The following RPS6KA6 variants were observed in gnomAD, a reference collection of about 807,000 sequenced individuals.
RPS6KA6 encodes ribosomal protein S6 kinase A6.
A neutral mutation model predicts 65.4 loss-of-function variants in RPS6KA6; 27 were observed. That is an observed-to-expected ratio of 0.41 (90% CI 0.30 to 0.57). The LOEUF (loss-of-function observed/expected upper bound fraction) is 0.57, where lower values mean the gene tolerates loss of function less well. RPS6KA6 is among the 20% of genes least tolerant of loss of function. The probability of loss-of-function intolerance (pLI) is 0.24; values close to 1 mark genes in which losing one functional copy is unlikely to be tolerated. For missense variants in RPS6KA6, 486 were observed against 555.6 expected (o/e 0.87, Z 1.26); for synonymous variants, 190 against 184.2 (o/e 1.03, Z -0.26).
chrX:84,075,229 CGCAAA>C lies in RPS6KA6; in HGVS notation c.1972-10123_1972-10119del, dbSNP rs1569369596. Among the ~76,000 whole-genome samples the C allele has an allele frequency of 3.6e-4, 39 of 108,344 alleles. No homozygotes were observed. The East Asian group carries it at 0.012, about 33-fold the overall frequency. 94.1% of individuals were successfully genotyped at this position (108,344 alleles called of 115,157 possible). A position where few individuals can be genotyped will look rare whatever the true frequency, so the allele number is the denominator to read the frequency against. On this transcript the variant is annotated intron_variant, in intron 20 of 21. Transcript: ENST00000262752. ...CCTGGGAGACAGAGCGAGACTCCGT[CGCAAA>C]ACAAACAAACAAACAAACAAACAAA... is the stretch of plus-strand genomic sequence containing the variant.
intron 21 of RPS6KA6, 86 bp from the exon 22 acceptor site, chrX:84,064,488 A>G (rs1309156452): frequency 5.7e-6 from 5 of 871,395 alleles, no homozygotes; most frequent in East Asian, 6.9e-5. Context: ...CATGAGACAT[A>G]TATCTAGAAC....
At chrX:84,103,786 A>C (rs1298389903) in intron 17 of RPS6KA6, among the ~76,000 whole-genome samples, 1 of 110,874 alleles carries the variant, frequency 9.0e-6, no homozygotes. Context: ...CCACACACAA[A>C]ATTGAGTACT....
At chrX:84,158,809 G>C (rs1406947817) in intron 2 of RPS6KA6, among the ~76,000 whole-genome samples, 1 of 111,195 alleles carries the variant, frequency 9.0e-6, no homozygotes, top group East Asian at 2.8e-4. Flanking sequence ...GTAATGCCCT[G>C]GTTGCCCATA....
chrX:84,104,637 A>G lies in RPS6KA6; in HGVS notation c.1476T>C (p.Tyr492=). ...TCATTAAATCCGTAACAAGGTAAAC[A>G]TATCTACCATCATCAAAGACCTACA... ...TLKDVFDDGR[Y]VYLVTDLMKG... Residue 492 remains tyrosine (Y), a synonymous_variant, in exon 17 of 22, where the codon TAT becomes TAC. Coordinates refer to ENST00000262752, the MANE Select transcript of RPS6KA6 (RefSeq NM_014496.5). 1 of 1,141,501 alleles carries G rather than the reference A, an allele frequency of 8.8e-7. No homozygotes were observed. Among genetic ancestry groups the G allele is most frequent in the Non-Finnish European group, 1.2e-6 (1 of 856,341 alleles). The allele number at this position is 1,141,501 out of a possible 1,213,427, so 94.1% of individuals were successfully genotyped here. A position where few individuals can be genotyped will look rare whatever the true frequency, so the allele number is the denominator to read the frequency against.
At chrX:84,145,275 G>T (rs185812004) in intron 6 of RPS6KA6, among the ~76,000 whole-genome samples, 153 of 110,942 alleles carry the variant, frequency 1.4e-3, no homozygotes, top group African/African-American at 4.8e-3. Flanking sequence ...TATTCATATT[G>T]TTCTTTTGCC....
chrX:84,070,806 C>T (rs927526715), intron 20 of RPS6KA6, among the ~76,000 whole-genome samples: 4 of 110,689 alleles, frequency 3.6e-5, no homozygotes, highest in African/African-American at 1.3e-4. Flanking sequence ...TGAAACAAAC[C>T]TAAATGGTTA....
rs1427729274 is a variant in RPS6KA6, at chrX:84,063,323, C to G, written c.*954G>C. The G allele has an allele frequency of 9.2e-6, 1 of 108,559 alleles. No individual in the cohort carries two copies. The highest frequency in any genetic ancestry group is 1.9e-5 in the Non-Finnish European group (1 of 52,117). The allele number at this position is 108,559 out of a possible 1,213,427, so 8.9% of individuals were successfully genotyped here. On this transcript the variant is annotated 3_prime_UTR_variant, in exon 22 of 22. Coordinates refer to ENST00000262752, the MANE Select transcript of RPS6KA6 (RefSeq NM_014496.5). Reference sequence around the variant, plus strand: ...GGATTCAAGGTAGAATGATATGCTACACTGTACTTCAAAGCACATCGAAGT... The same window carrying G: ...GGATTCAAGGTAGAATGATATGCTAGACTGTACTTCAAAGCACATCGAAGT...
chrX:84,074,548 T>C (rs922461764), intron 20 of RPS6KA6, among the ~76,000 whole-genome samples: 1 of 111,948 alleles, frequency 8.9e-6, no homozygotes, highest in East Asian at 2.8e-4. Flanking sequence ...ATGCTAAATG[T>C]TTAAGGTGAT....
At chrX:84,137,219 T>C (rs926987809) in intron 6 of RPS6KA6, among the ~76,000 whole-genome samples, 2 of 111,903 alleles carry the variant, frequency 1.8e-5, no homozygotes, top group Admixed American at 9.5e-5. Flanking sequence ...ACTGTATAAG[T>C]ACTATTTAGT....
intron 1 of RPS6KA6, among the ~76,000 whole-genome samples, chrX:84,171,655 G>C (rs1217780228): frequency 9.0e-6 from 1 of 111,466 alleles, no homozygotes; most frequent in Non-Finnish European, 1.9e-5. Context: ...ACAGTATAGA[G>C]AACGTAATTC....
Position 84,135,132 on chromosome X carries a change from T to C in RPS6KA6, c.580A>G (p.Ile194Val). 3 of 1,204,956 alleles carry C rather than the reference T, an allele frequency of 2.5e-6. No individual in the cohort carries two copies. The highest frequency in any genetic ancestry group is 3.4e-6 in the Non-Finnish European group (3 of 890,341). ...LALDHLHQLG[I>V]VYRDLKPENI... Reference sequence around the variant, plus strand: ...TCTGGCTTCAGGTCTCTATAAACAATTCCTAATTGGTGCAGATGATCCAAA... The same window carrying C: ...TCTGGCTTCAGGTCTCTATAAACAACTCCTAATTGGTGCAGATGATCCAAA... Residue 194 changes from isoleucine to valine, a missense_variant, in exon 7 of 22, where the codon ATT (isoleucine) becomes GTT (valine). Transcript: ENST00000262752.
At chrX:84,135,314 T>G in intron 6 of RPS6KA6, 104 bp from the exon 7 acceptor site, 1 of 497,440 alleles carries the variant, frequency 2.0e-6, no homozygotes, top group Non-Finnish European at 3.4e-6. Context: ...AGGAAAATAA[T>G]AAGATAATAA....
chrX:84,073,054 A>T (rs2033582159), intron 20 of RPS6KA6, among the ~76,000 whole-genome samples: 1 of 112,023 alleles, frequency 8.9e-6, no homozygotes, highest in African/African-American at 3.2e-5. Context: ...TGGAAGCACG[A>T]AAGACTCCAA....
intron 8 of RPS6KA6, among the ~76,000 whole-genome samples, chrX:84,121,972 C>T (rs1172387128): frequency 1.8e-5 from 2 of 112,114 alleles, no homozygotes; most frequent in Non-Finnish European, 3.8e-5. Flanking sequence ...CAGGAGGAAA[C>T]GATGGAGCAA....
chrX:84,152,173 A>T (rs1264987103), intron 3 of RPS6KA6, among the ~76,000 whole-genome samples: 2 of 111,151 alleles, frequency 1.8e-5, no homozygotes, highest in East Asian at 5.6e-4. Flanking sequence ...CGCAGTCTAG[A>T]GAAGTAACCT....
chrX:84,059,747 C>T lies in RPS6KA6; in HGVS notation c.*4530G>A, dbSNP rs1197248877. The T allele has an allele frequency of 8.9e-6, 1 of 111,862 alleles. No homozygotes were observed. Among genetic ancestry groups the T allele is most frequent in the African/African-American group, 3.2e-5 (1 of 30,785 alleles). 9.2% of individuals were successfully genotyped at this position (111,862 alleles called of 1,213,427 possible). A position where few individuals can be genotyped will look rare whatever the true frequency, so the allele number is the denominator to read the frequency against. The stretch of plus-strand genomic sequence containing the variant: ...ACAGTTGGAATTACAGCAAAACAGT[C>T]ATCCACAGAAGCTCTATTGTCCAGC... On this transcript the variant is annotated 3_prime_UTR_variant, in exon 22 of 22. Coordinates refer to ENST00000262752, the MANE Select transcript of RPS6KA6 (RefSeq NM_014496.5).
intron 8 of RPS6KA6, among the ~76,000 whole-genome samples, chrX:84,127,000 A>G (rs1193084335): frequency 9.0e-6 from 1 of 111,677 alleles, no homozygotes; most frequent in Non-Finnish European, 1.9e-5. Context: ...GAAATAAATG[A>G]ATTTTAAATG....
intron 1 of RPS6KA6, among the ~76,000 whole-genome samples, chrX:84,167,904 G>C (rs1209547148): frequency 9.0e-6 from 1 of 110,749 alleles, no homozygotes; most frequent in Non-Finnish European, 1.9e-5. Flanking sequence ...ATGAAAAAGA[G>C]TGAATTTTAC....
intron 2 of RPS6KA6, among the ~76,000 whole-genome samples, chrX:84,159,782 G>T (rs771470090): frequency 2.7e-5 from 3 of 110,542 alleles, no homozygotes; most frequent in Non-Finnish European, 5.7e-5. Flanking sequence ...AAGTAATTAA[G>T]GTAAAATGAG....
Sources: allele counts gnomAD v4.1 joint callset (sites outside exome capture counted in the v4.1 genomes callset), GRCh38; gene constraint gnomAD v4.1.1; transcripts MANE v1.5; gene names NCBI Gene and HGNC (gene_info 2026-07-23, HGNC 2026-07-21).